The following CYP2C8 variants were observed in gnomAD, a reference collection of about 807,000 sequenced individuals.
CYP2C8 encodes the protein cytochrome P450 2C8.
In CYP2C8, 51 loss-of-function variants were observed where a neutral mutation model predicts 41.3. The ratio of observed to expected loss-of-function variants is 1.24; its 90% confidence interval spans 0.99 to 1.56. The LOEUF is 1.56. Among genes scored for constraint, CYP2C8 ranks in the 40% most tolerant of loss-of-function variants. CYP2C8 has a pLI of 0.00. For synonymous variants in CYP2C8, 218 were observed against 205.8 expected (o/e 1.06, Z -0.51); for missense variants, 651 against 579.9 (o/e 1.12, Z -1.26).
At chr10:95,058,106 C>T (rs549586469) in intron 5 of CYP2C8, among the ~76,000 whole-genome samples, 19 of 152,090 alleles carry the variant, frequency 1.2e-4, no homozygotes, top group Admixed American at 3.3e-4. Flanking sequence ...TTATTCTACT[C>T]ATGTAGATTA....
At chr10:95,040,099 A>C (rs2032964654) in intron 7 of CYP2C8, among the ~76,000 whole-genome samples, 1 of 152,214 alleles carries the variant, frequency 6.6e-6, no homozygotes, top group South Asian at 2.1e-4. Context: ...GCAGGAGAAA[A>C]AAGCCATAAA....
chr10:95,042,768 C>T, intron 7 of CYP2C8, 122 bp downstream of exon 7: 1 of 841,716 alleles, frequency 1.2e-6, no homozygotes, highest in Non-Finnish European at 2.1e-6. Context: ...GAAAGTCCAT[C>T]AAGCTGCCAC....
chr10:95,050,701 C>T (rs957959557), intron 5 of CYP2C8, among the ~76,000 whole-genome samples: 2 of 152,192 alleles, frequency 1.3e-5, no homozygotes, highest in Non-Finnish European at 2.9e-5. Context: ...AGAACCACTG[C>T]ATTATTGGGC....
chr10:95,038,470 G>T (rs2032929711), intron 8 of CYP2C8, among the ~76,000 whole-genome samples: 1 of 152,168 alleles, frequency 6.6e-6, no homozygotes, highest in South Asian at 2.1e-4. Flanking sequence ...GTGAGCCTCT[G>T]TTCTCATTGA....
At chr10:95,066,086 C>T (rs1196031823) in intron 3 of CYP2C8, among the ~76,000 whole-genome samples, 1 of 139,152 alleles carries the variant, frequency 7.2e-6, no homozygotes, top group Non-Finnish European at 1.5e-5. Context: ...TTGTTTTAGC[C>T]AAGGGGGTGA....
chr10:95,066,119 T>TGAGAGAGAGAGAGAGAGAGA (rs144502351), intron 3 of CYP2C8, among the ~76,000 whole-genome samples: 8 of 97,778 alleles, frequency 8.2e-5, no homozygotes, highest in African/African-American at 2.1e-4. Flanking sequence ...GAAGCCTTGG[T>TGAGAGAGAGAGAGAGAGAGA]GAGAGAGAGA....
chr10:95,063,703 A>T (rs2033491620), intron 4 of CYP2C8, among the ~76,000 whole-genome samples: 1 of 152,118 alleles, frequency 6.6e-6, no homozygotes, highest in South Asian at 2.1e-4. Flanking sequence ...CCTTTGGAGG[A>T]GGAGAGGCAC....
At chr10:95,059,261 C>G (rs905747639) in intron 4 of CYP2C8, among the ~76,000 whole-genome samples, 5 of 152,228 alleles carry the variant, frequency 3.3e-5, no homozygotes, top group African/African-American at 4.8e-5. Flanking sequence ...GTCCCACCAA[C>G]AGTGTAAAAG....
intron 4 of CYP2C8, among the ~76,000 whole-genome samples, chr10:95,061,412 T>C (rs933349391): frequency 2.0e-5 from 3 of 152,242 alleles, no homozygotes; most frequent in African/African-American, 7.2e-5. Flanking sequence ...CTTCTAGATT[T>C]TCTAATTTAC....
At chr10:95,037,374 A>C in intron 8 of CYP2C8, 65 bp from the exon 9 acceptor site, 1 of 1,431,990 alleles carries the variant, frequency 7.0e-7, no homozygotes, top group East Asian at 2.3e-5. Flanking sequence ...ACAAACAGTC[A>C]TTTGTGACTT....
At position 95,043,096 on chromosome 10, in the gene CYP2C8, G is replaced by C; in HGVS notation, c.962-19C>G. 1 of 1,612,912 alleles carries C rather than the reference G, an allele frequency of 6.2e-7. No individual in the cohort carries two copies. The highest frequency in any genetic ancestry group is 8.5e-7 in the Non-Finnish European group (1 of 1,178,928). On this transcript the variant is annotated intron_variant, in intron 6 of 8. Coordinates refer to ENST00000371270, the MANE Select transcript of CYP2C8 (RefSeq NM_000770.3). ...ACTTTAGCTGACAAGACACAAGAAAGAACTGATGGAAACGAAGATATATGG... is the reference window on the plus strand; with the variant it reads ...ACTTTAGCTGACAAGACACAAGAAACAACTGATGGAAACGAAGATATATGG...
At chr10:95,055,031 A>C (rs1413113428) in intron 5 of CYP2C8, among the ~76,000 whole-genome samples, 1 of 152,152 alleles carries the variant, frequency 6.6e-6, no homozygotes, top group African/African-American at 2.4e-5. Flanking sequence ...AAAGACTTAA[A>C]ATTGTTAAGA....
At chr10:95,038,147 A>T (rs891095208) in intron 8 of CYP2C8, among the ~76,000 whole-genome samples, 2 of 152,212 alleles carry the variant, frequency 1.3e-5, no homozygotes, top group Non-Finnish European at 2.9e-5. Flanking sequence ...CACAAAACAC[A>T]GGTGTGAAAA....
At chr10:95,037,797 A>T (rs1006712358) in intron 8 of CYP2C8, among the ~76,000 whole-genome samples, 3 of 152,162 alleles carry the variant, frequency 2.0e-5, no homozygotes, top group East Asian at 1.9e-4. Context: ...ATGAAGTTTC[A>T]AGTTTCATAT....
At chr10:95,061,934 A>C (rs1454879615) in intron 4 of CYP2C8, among the ~76,000 whole-genome samples, 2 of 152,188 alleles carry the variant, frequency 1.3e-5, no homozygotes, top group Non-Finnish European at 2.9e-5. Flanking sequence ...TTCAGTGTCC[A>C]TGTAGTTGAG....
chr10:95,041,838 C>CTCTG (rs1308144718), intron 7 of CYP2C8, among the ~76,000 whole-genome samples: 1 of 149,506 alleles, frequency 6.7e-6, no homozygotes, highest in African/African-American at 2.5e-5. Context: ...TACCAAGGTG[C>CTCTG]TCTGGGCTCT....
chr10:95,064,745 C>A (rs1240075884), intron 4 of CYP2C8, 55 bp downstream of exon 4: 17 of 1,550,272 alleles, frequency 1.1e-5, no homozygotes, highest in African/African-American at 2.7e-5. Flanking sequence ...TAAACCAAGT[C>A]TTCCCTACAA....
At chr10:95,058,875 T>C (rs993265818) in intron 4 of CYP2C8, among the ~76,000 whole-genome samples, 5 of 152,128 alleles carry the variant, frequency 3.3e-5, no homozygotes, top group African/African-American at 1.2e-4. Context: ...TTCCCACCTA[T>C]GAATGAGAAT....
In CYP2C8 at chr10:95,064,900, A is replaced by G. The variant is rs757865823; in HGVS notation, c.542T>C (p.Val181Ala). The change falls in exon 4 of 9, where the codon GTT becomes GCT. Residue 181 changes from valine (V) to alanine (A), a missense_variant. Coordinates refer to ENST00000371270, the MANE Select transcript of CYP2C8 (RefSeq NM_000770.3). Reference sequence around the variant, plus strand: ...ATAATCAAATCGTTTCTGGAAAACAACGGAGCAGATCACATTGCAGGGAGC... The same window carrying G: ...ATAATCAAATCGTTTCTGGAAAACAGCGGAGCAGATCACATTGCAGGGAGC... ...GCAPCNVICS[V>A]VFQKRFDYKD... 6 of 1,613,708 alleles carry G rather than the reference A, an allele frequency of 3.7e-6. No homozygotes were observed. The East Asian group carries it at 1.1e-4, about 30-fold the overall frequency.
Sources: gnomAD v4.1 joint callset for allele counts (sites outside exome capture counted in the v4.1 genomes callset) on GRCh38, gnomAD v4.1.1 for gene constraint, MANE v1.5 for transcripts, NCBI Gene and HGNC (gene_info 2026-07-23, HGNC 2026-07-21) for gene names.